STAM: variants seen among roughly 807,000 people sequenced by gnomAD.
STAM encodes the protein signal transducing adapter molecule 1.
In STAM, 16 loss-of-function variants were observed where a neutral mutation model predicts 63.4. The ratio of observed to expected loss-of-function variants is 0.25; its 90% CI spans 0.17 to 0.38. STAM has a LOEUF of 0.38. Ranked by LOEUF, STAM falls within the 10% of genes least tolerant of loss-of-function variation. STAM has a pLI of 1.00. For synonymous variants in STAM, 238 were observed against 223.9 expected (o/e 1.06, Z -0.56); for missense variants, 636 against 657.1 (o/e 0.97, Z 0.35).
At chr10:17,672,109 A>G (rs545341661) in intron 2 of STAM, among the ~76,000 whole-genome samples, 99 of 152,300 alleles carry the variant, frequency 6.5e-4, no homozygotes, top group Non-Finnish European at 1.2e-3. Flanking sequence ...CCTTTTTCCA[A>G]CAATAGCTTT....
Position 17,708,927 on chromosome 10 carries a change from A to G in STAM, c.1361A>G (p.Gln454Arg). 3.7e-6 allele frequency: 6 copies of G among 1,614,022 alleles called. No homozygotes were observed. The highest frequency in any genetic ancestry group is 5.1e-6 in the Non-Finnish European group (6 of 1,179,918). ...PPSANPALPS[Q>R]QTQAAYPNTM... ...TCCGCAAACCCAGCCCTTCCTAGTC[A>G]GCAGACTCAGGCCGCTTACCCAAAG... Residue 454 changes from glutamine (Q) to arginine (R), a missense_variant, in exon 13 of 14, where the codon CAG becomes CGG. Coordinates refer to ENST00000377524, the MANE Select transcript of STAM (RefSeq NM_003473.4).
chr10:17,680,821 G>A (rs192119333), intron 2 of STAM, among the ~76,000 whole-genome samples: 5 of 152,210 alleles, frequency 3.3e-5, no homozygotes, highest in East Asian at 3.9e-4. Flanking sequence ...CTGTTATAGC[G>A]TATTCCATGT....
chr10:17,691,440 C>T (rs1202464594), intron 5 of STAM, among the ~76,000 whole-genome samples: 3 of 152,134 alleles, frequency 2.0e-5, no homozygotes, highest in Non-Finnish European at 4.4e-5. Context: ...ATGGTGTGAA[C>T]CCGGGAGGCG....
rs187683463 is a variant in STAM, at chr10:17,702,940, G to A, written c.913-1491G>A. Among the ~76,000 whole-genome samples, 102 of 148,830 alleles carry A rather than the reference G, an allele frequency of 6.9e-4. 2 individuals are homozygous for A. The highest frequency in any genetic ancestry group is 1.5e-3 in the African/African-American group (60 of 40,202). On this transcript the variant is annotated intron_variant, in intron 9 of 13. Coordinates refer to ENST00000377524, the MANE Select transcript of STAM (RefSeq NM_003473.4). ...GGAGAATCGCTTGAATCTGGGAGGCGGAAGGTCGTAGTGAGCCAAGATCAT... is the reference window on the plus strand; with the variant it reads ...GGAGAATCGCTTGAATCTGGGAGGCAGAAGGTCGTAGTGAGCCAAGATCAT...
intron 2 of STAM, among the ~76,000 whole-genome samples, chr10:17,662,786 T>C (rs2131586545): frequency 6.6e-6 from 1 of 152,328 alleles, no homozygotes; most frequent in African/African-American, 2.4e-5. Context: ...AGATTAGCTT[T>C]ATCAAGTGTT....
rs552373790 is a variant in STAM, at chr10:17,716,220, A to C, written c.*1440A>C. Among the ~76,000 whole-genome samples the C allele has an allele frequency of 1.5e-3, 221 of 152,260 alleles. 1 individual carries two copies. The highest frequency in any genetic ancestry group is 4.9e-3 in the African/African-American group (203 of 41,570). On this transcript the variant is annotated 3_prime_UTR_variant, in exon 14 of 14. Coordinates refer to ENST00000377524, the MANE Select transcript of STAM (RefSeq NM_003473.4). ...TGTAACAGGTTTCATACTATAAATG[A>C]AAATTTCATTTTTATTTTCTAAGAC...
chr10:17,703,657 C>G (rs1365107434), intron 9 of STAM, among the ~76,000 whole-genome samples: 2 of 152,150 alleles, frequency 1.3e-5, no homozygotes, highest in African/African-American at 4.8e-5. Context: ...TTCCATTGGT[C>G]TGTACAACAA....
rs1296973735 is a variant in STAM, at chr10:17,660,451, T to C, written c.41-13T>C. Reference sequence around the variant, plus strand: ...AAAAATAATGTTTCTGCAATCCCCTTTACAATCTACAGAGAAAGCAACCAG... The same window carrying C: ...AAAAATAATGTTTCTGCAATCCCCTCTACAATCTACAGAGAAAGCAACCAG... On this transcript the variant is annotated splice_polypyrimidine_tract_variant and intron_variant, in intron 1 of 13. Transcript: ENST00000377524. The C allele has an allele frequency of 6.4e-7, 1 of 1,560,594 alleles. No homozygotes were observed. Among genetic ancestry groups the C allele is most frequent in the African/African-American group, 1.4e-5 (1 of 72,022 alleles).
At chr10:17,680,552 T>A (rs1554825216) in intron 2 of STAM, among the ~76,000 whole-genome samples, 1 of 151,950 alleles carries the variant, frequency 6.6e-6, no homozygotes, top group Non-Finnish European at 1.5e-5. Context: ...ACTACAAGTG[T>A]GTGCCATCAT....
At chr10:17,706,101 C>A (rs922314849) in intron 12 of STAM, among the ~76,000 whole-genome samples, 2 of 151,986 alleles carry the variant, frequency 1.3e-5, no homozygotes, top group African/African-American at 2.4e-5. Flanking sequence ...TTCTCAAATG[C>A]ATTTGAGATT....
At chr10:17,686,578 T>TGGG (rs1271404860) in intron 4 of STAM, among the ~76,000 whole-genome samples, 3 of 152,124 alleles carry the variant, frequency 2.0e-5, no homozygotes, top group African/African-American at 7.2e-5. Flanking sequence ...GGTTTCACCA[T>TGGG]GGGGATGGTC....
In STAM at chr10:17,703,092, A is replaced by G. The variant is rs575728860; in HGVS notation, c.913-1339A>G. On this transcript the variant is annotated intron_variant, in intron 9 of 13. Coordinates refer to ENST00000377524, the MANE Select transcript of STAM (RefSeq NM_003473.4). ...GACTAATCATCTATGTAGAAACCCT[A>G]CTTCTTTGACACTAAATAATTTTAA... Among the ~76,000 whole-genome samples, 88 of 151,718 alleles carry G rather than the reference A, an allele frequency of 5.8e-4. 1 individual carries two copies. Among genetic ancestry groups the G allele is most frequent in the Middle Eastern group, 3.4e-3 (1 of 294 alleles).
At chr10:17,688,944 CAAT>C (rs1835414316) in intron 5 of STAM, among the ~76,000 whole-genome samples, 1 of 152,064 alleles carries the variant, frequency 6.6e-6, no homozygotes, top group African/African-American at 2.4e-5. Flanking sequence ...CCTCTATTAA[CAAT>C]GAGAGGACTT....
intron 4 of STAM, among the ~76,000 whole-genome samples, chr10:17,686,378 C>CTTT (rs782424712): frequency 0.045 from 6,207 of 137,980 alleles, 178 homozygotes; most frequent in Middle Eastern, 0.12. Context: ...AACATCCCGC[C>CTTT]TTTTTTTTTT....
At chr10:17,664,466 A>C (rs1834298037) in intron 2 of STAM, among the ~76,000 whole-genome samples, 1 of 152,060 alleles carries the variant, frequency 6.6e-6, no homozygotes, top group Non-Finnish European at 1.5e-5. Context: ...GTTTGCCTTT[A>C]ATATTTTAAA....
chr10:17,707,886 T>C (rs1836366967), intron 12 of STAM, among the ~76,000 whole-genome samples: 1 of 152,090 alleles, frequency 6.6e-6, no homozygotes, highest in African/African-American at 2.4e-5. Flanking sequence ...CCTGTTTTTT[T>C]TTTTTTTAAT....
chr10:17,705,136 A>G (rs140207588), intron 11 of STAM, 112 bp downstream of exon 11: 1 of 801,418 alleles, frequency 1.2e-6, no homozygotes, highest in Non-Finnish European at 2.1e-6. Context: ...GGAGGAACCA[A>G]CTCTCATTCA....
At chr10:17,694,643 A>C (rs1053188898) in intron 6 of STAM, among the ~76,000 whole-genome samples, 3 of 152,180 alleles carry the variant, frequency 2.0e-5, no homozygotes, top group Admixed American at 2.0e-4. Context: ...ATTGCCTTTA[A>C]GGCTTTGATT....
rs1554827339 is a variant in STAM, at chr10:17,695,194, T to C, written c.681T>C (p.Asn227=). The C allele has an allele frequency of 6.2e-7, 1 of 1,613,924 alleles. No individual in the cohort carries two copies. The change falls in exon 7 of 14, where the codon AAT becomes AAC. Residue 227 remains asparagine (N), a synonymous_variant. Transcript: ENST00000377524. The part of the protein sequence containing the change: ...AIYDFEAAED[N]ELTFKAGEII... Reference sequence around the variant, plus strand: ...ATGACTTTGAAGCTGCTGAAGACAATGAACTTACTTTTAAAGCTGGAGAAA... The same window carrying C: ...ATGACTTTGAAGCTGCTGAAGACAACGAACTTACTTTTAAAGCTGGAGAAA...
Sources: gnomAD v4.1 joint callset for allele counts (sites outside exome capture counted in the v4.1 genomes callset) on GRCh38, gnomAD v4.1.1 for gene constraint, MANE v1.5 for transcripts, NCBI Gene and HGNC (gene_info 2026-07-23, HGNC 2026-07-21) for gene names.